The following WWOX variants were observed in gnomAD, a reference collection of about 807,000 sequenced individuals.
WWOX encodes the protein WW domain-containing oxidoreductase.
A neutral mutation model predicts 46.2 loss-of-function variants in WWOX; 69 were observed. The ratio of observed to expected loss-of-function variants is 1.49; its 90% confidence interval spans 1.23 to 1.82. The LOEUF (loss-of-function observed/expected upper bound fraction) is 1.82. WWOX is among the 40% of genes most tolerant of loss of function. WWOX has a pLI of 0.00. For missense variants in WWOX, 919 were observed against 542.6 expected (o/e 1.69, Z -6.89); for synonymous variants, 359 against 202.6 (o/e 1.77, Z -6.56).
intron 8 of WWOX, among the ~76,000 whole-genome samples, chr16:79,042,041 A>G (rs1006677884): frequency 1.3e-5 from 2 of 152,092 alleles, no homozygotes; most frequent in East Asian, 1.9e-4. Context: ...ATGTTCCACA[A>G]ATTTTGGAGG....
intron 8 of WWOX, among the ~76,000 whole-genome samples, chr16:78,705,178 C>T (rs1255556537): frequency 6.6e-6 from 1 of 152,106 alleles, no homozygotes; most frequent in Non-Finnish European, 1.5e-5. Context: ...TTATATTTTC[C>T]AAAGCCATTT....
chr16:78,692,574 C>G, intron 8 of WWOX, among the ~76,000 whole-genome samples: 1 of 152,292 alleles, frequency 6.6e-6, no homozygotes, highest in African/African-American at 2.4e-5. Flanking sequence ...ATAGACGTTC[C>G]TCTCTGACTG....
intron 8 of WWOX, among the ~76,000 whole-genome samples, chr16:79,023,804 A>AT (rs1033891367): frequency 2.0e-5 from 3 of 150,398 alleles, no homozygotes; most frequent in Non-Finnish European, 4.4e-5. Context: ...AAAAAAAAAA[A>AT]AATTAGCCAG....
intron 5 of WWOX, among the ~76,000 whole-genome samples, chr16:78,364,870 C>T (rs1434691022): frequency 2.0e-5 from 3 of 152,098 alleles, no homozygotes; most frequent in Non-Finnish European, 4.4e-5. Context: ...TCGTTTTGGC[C>T]TTTTTCTGAT....
chr16:78,937,599 A>T, intron 8 of WWOX, among the ~76,000 whole-genome samples: 1 of 127,280 alleles, frequency 7.9e-6, no homozygotes, highest in African/African-American at 3.0e-5. Context: ...CCAGCTATAG[A>T]GCTTTATTTA....
intron 8 of WWOX, among the ~76,000 whole-genome samples, chr16:78,575,629 T>G (rs1481569901): frequency 6.6e-6 from 1 of 152,210 alleles, no homozygotes; most frequent in South Asian, 2.1e-4. Flanking sequence ...GCACCTACTG[T>G]GTGCCATTAG....
intron 8 of WWOX, among the ~76,000 whole-genome samples, chr16:78,799,661 T>G (rs1344665771): frequency 6.6e-6 from 1 of 152,152 alleles, no homozygotes; most frequent in Non-Finnish European, 1.5e-5. Flanking sequence ...CTGTGGCACT[T>G]TGCATACTGA....
At chr16:79,079,651 C>T (rs1597355112) in intron 8 of WWOX, among the ~76,000 whole-genome samples, 1 of 152,220 alleles carries the variant, frequency 6.6e-6, no homozygotes, top group African/African-American at 2.4e-5. Context: ...ATCCTTCACT[C>T]ATCTTACCTC....
At chr16:78,103,045 C>T (rs557053007) in intron 1 of WWOX, among the ~76,000 whole-genome samples, 2 of 152,122 alleles carry the variant, frequency 1.3e-5, no homozygotes, top group Admixed American at 6.5e-5. Flanking sequence ...TGGAGCCTGG[C>T]GCTAGGGCCC....
intron 8 of WWOX, among the ~76,000 whole-genome samples, chr16:78,819,733 G>A (rs928304026): frequency 1.3e-5 from 2 of 152,150 alleles, no homozygotes; most frequent in African/African-American, 4.8e-5. Context: ...TCTGGGGTTC[G>A]CCTGCCCTGC....
chr16:79,172,192 C>G (rs939760809), intron 8 of WWOX, among the ~76,000 whole-genome samples: 1 of 152,190 alleles, frequency 6.6e-6, no homozygotes, highest in Non-Finnish European at 1.5e-5. Context: ...TTAATTATAT[C>G]CAAAATAATG....
intron 8 of WWOX, among the ~76,000 whole-genome samples, chr16:79,177,838 T>C (rs1308313128): frequency 6.6e-6 from 1 of 152,242 alleles, no homozygotes; most frequent in African/African-American, 2.4e-5. Flanking sequence ...TTTTCCTTAC[T>C]TTGTTCAGGC....
intron 5 of WWOX, chr16:78,355,764 A>C (rs879227343): frequency 2.9e-6 from 2 of 700,756 alleles, no homozygotes; most frequent in Admixed American, 3.8e-5. Flanking sequence ...TCAACAAAAC[A>C]GAATATTCCA....
At chr16:78,995,922 C>G (rs1452173414) in intron 8 of WWOX, among the ~76,000 whole-genome samples, 1 of 152,176 alleles carries the variant, frequency 6.6e-6, no homozygotes, top group East Asian at 1.9e-4. Flanking sequence ...GTTTATACCT[C>G]TGTGACAGTT....
At chr16:79,072,286 C>A (rs1446685829) in intron 8 of WWOX, among the ~76,000 whole-genome samples, 1 of 152,066 alleles carries the variant, frequency 6.6e-6, no homozygotes, top group Non-Finnish European at 1.5e-5. Flanking sequence ...ACTGTCCCCC[C>A]AACCCCCCAA....
chr16:78,815,824 C>T (rs1328854042), intron 8 of WWOX, among the ~76,000 whole-genome samples: 3 of 152,188 alleles, frequency 2.0e-5, no homozygotes, highest in African/African-American at 7.2e-5. Flanking sequence ...GCTTGGCTGC[C>T]TATGAGTCCA....
intron 8 of WWOX, among the ~76,000 whole-genome samples, chr16:78,755,840 A>G (rs2049632684): frequency 6.6e-6 from 1 of 152,102 alleles, no homozygotes; most frequent in South Asian, 2.1e-4. Context: ...ACAAGTAACC[A>G]CCCCAGATTT....
chr16:78,981,680 G>A (rs2046685508), intron 8 of WWOX: 2 of 152,234 alleles, frequency 1.3e-5, no homozygotes, highest in Admixed American at 6.5e-5. Context: ...ACCGGCCTTG[G>A]CCTCACAAAG....
chr16:78,337,746 A>G (rs1429874034), intron 5 of WWOX, among the ~76,000 whole-genome samples: 1 of 56,142 alleles, frequency 1.8e-5, no homozygotes, highest in East Asian at 2.0e-4. Flanking sequence ...TCAGAATGAA[A>G]TATCCCTGTA....
Sources: allele counts gnomAD v4.1 joint callset (sites outside exome capture counted in the v4.1 genomes callset), GRCh38; gene constraint gnomAD v4.1.1; transcripts MANE v1.5; gene names NCBI Gene and HGNC (gene_info 2026-07-23, HGNC 2026-07-21).